MPPED2: variants seen among roughly 807,000 people sequenced by gnomAD.
The protein encoded by MPPED2 is metallophosphoesterase MPPED2.
In MPPED2, 5 loss-of-function variants were observed where a neutral mutation model predicts 33.0. That is an observed-to-expected ratio of 0.15 (90% confidence interval 0.08 to 0.32). MPPED2 has a LOEUF of 0.32. MPPED2 is among the 10% of genes least tolerant of loss of function. The pLI is 1.00. For missense variants in MPPED2, 275 were observed against 372.1 expected, an observed-to-expected ratio of 0.74 and a Z score of 2.15; for synonymous variants, 136 against 141.9, an observed-to-expected ratio of 0.96 and a Z score of 0.29.
intron 4 of MPPED2, among the ~76,000 whole-genome samples, chr11:30,486,193 A>G (rs1951734546): frequency 6.6e-6 from 1 of 152,208 alleles, no homozygotes; most frequent in African/African-American, 2.4e-5. Context: ...CATCACAGGA[A>G]GACAGAAGCA....
At chr11:30,508,361 T>TA (rs1192443415) in intron 3 of MPPED2, among the ~76,000 whole-genome samples, 2 of 152,212 alleles carry the variant, frequency 1.3e-5, no homozygotes, top group Non-Finnish European at 2.9e-5. Flanking sequence ...AATTGTTCAT[T>TA]AAAAAACATG....
chr11:30,562,651 C>A (rs1956283731), intron 2 of MPPED2, among the ~76,000 whole-genome samples: 1 of 152,020 alleles, frequency 6.6e-6, no homozygotes, highest in Non-Finnish European at 1.5e-5. Context: ...TCCTTAGGCA[C>A]CTACAGCTTA....
At chr11:30,479,503 A>G (rs151179510) in intron 4 of MPPED2, among the ~76,000 whole-genome samples, 105 of 152,186 alleles carry the variant, frequency 6.9e-4, no homozygotes, top group Non-Finnish European at 1.1e-3. Context: ...CAGCAACCAA[A>G]AGCTTGACAA....
chr11:30,389,566 G>A (rs1479053950), intron 6 of MPPED2, among the ~76,000 whole-genome samples: 3 of 152,168 alleles, frequency 2.0e-5, no homozygotes, highest in Non-Finnish European at 4.4e-5. Flanking sequence ...TCCTCAGGTA[G>A]GATTTAGGTT....
Position 30,580,506 on chromosome 11 carries a change from A to C in MPPED2, c.-121-12T>G, listed in dbSNP as rs1167407606. On this transcript the variant is annotated splice_polypyrimidine_tract_variant and intron_variant, in intron 1 of 6. Coordinates refer to ENST00000358117, the MANE Select transcript of MPPED2 (RefSeq NM_001584.3). ...ACCGCTGTGCATTTCTGAAAGAAAA[A>C]AAAAATGTATATAAAATGAGAACAA... 6.3e-6 allele frequency: 9 copies of C among 1,425,908 alleles called. No homozygotes were observed. The East Asian group carries it at 2.0e-4, about 31-fold the overall frequency. The allele number at this position is 1,425,908 out of a possible 1,614,324, so 88.3% of individuals were successfully genotyped here.
At chr11:30,476,420 G>A (rs1951199703) in intron 4 of MPPED2, among the ~76,000 whole-genome samples, 1 of 151,852 alleles carries the variant, frequency 6.6e-6, no homozygotes, top group Admixed American at 6.6e-5. Context: ...GATCTGTTTT[G>A]TAATTATTTT....
intron 3 of MPPED2, among the ~76,000 whole-genome samples, chr11:30,506,956 T>C (rs1196188311): frequency 6.6e-6 from 1 of 152,176 alleles, no homozygotes; most frequent in African/African-American, 2.4e-5. Flanking sequence ...TAAATGAAAA[T>C]GGTCTTCCAG....
chr11:30,524,067 A>G (rs753454184), intron 3 of MPPED2, among the ~76,000 whole-genome samples: 25 of 152,048 alleles, frequency 1.6e-4, no homozygotes, highest in Non-Finnish European at 2.8e-4. Flanking sequence ...TCTGGCCAAC[A>G]TGGTGAAACC....
intron 3 of MPPED2, among the ~76,000 whole-genome samples, chr11:30,513,019 A>T (rs1953315712): frequency 6.6e-6 from 1 of 151,928 alleles, no homozygotes. Flanking sequence ...CAAAAGAAAA[A>T]AAAAAAAGTA....
At chr11:30,486,101 A>G (rs1411218157) in intron 4 of MPPED2, among the ~76,000 whole-genome samples, 1 of 152,190 alleles carries the variant, frequency 6.6e-6, no homozygotes, top group Non-Finnish European at 1.5e-5. Flanking sequence ...CACCTTCATC[A>G]GAGATTAGGA....
chr11:30,457,118 G>GA (rs1018884349), intron 4 of MPPED2, among the ~76,000 whole-genome samples: 1 of 152,054 alleles, frequency 6.6e-6, no homozygotes, highest in Non-Finnish European at 1.5e-5. Context: ...TTGGTCTGGG[G>GA]AAAAAGCTTA....
intron 4 of MPPED2, among the ~76,000 whole-genome samples, chr11:30,455,571 C>G (rs1242438784): frequency 6.6e-6 from 1 of 152,140 alleles, no homozygotes. Flanking sequence ...AGTATATATC[C>G]TTATGTTACT....
intron 4 of MPPED2, 31 bp downstream of exon 4, chr11:30,495,265 A>T: frequency 6.7e-7 from 1 of 1,487,876 alleles, no homozygotes; most frequent in Non-Finnish European, 9.4e-7. Context: ...GCTAAAAAGC[A>T]ATGTGGAAAA....
chr11:30,488,813 T>G (rs924772138), intron 4 of MPPED2, among the ~76,000 whole-genome samples: 1 of 152,154 alleles, frequency 6.6e-6, no homozygotes, highest in Non-Finnish European at 1.5e-5. Context: ...AATGTTACCC[T>G]GGGCCTTTAA....
intron 4 of MPPED2, among the ~76,000 whole-genome samples, chr11:30,433,265 A>T (rs367648073): frequency 8.5e-5 from 13 of 152,254 alleles, no homozygotes; most frequent in African/African-American, 2.9e-4. Context: ...CATAGTAAAG[A>T]TTCTGAGATA....
chr11:30,543,792 CTT>C (rs35206591), intron 2 of MPPED2, among the ~76,000 whole-genome samples: 20,560 of 106,204 alleles, frequency 0.19, 2,001 homozygotes, highest in Non-Finnish European at 0.27. Context: ...TGGCGTTGTT[CTT>C]TTTTTTTTTT....
intron 4 of MPPED2, among the ~76,000 whole-genome samples, chr11:30,427,343 A>G (rs1948885297): frequency 6.6e-6 from 1 of 152,220 alleles, no homozygotes; most frequent in Non-Finnish European, 1.5e-5. Flanking sequence ...GTTGTCACAC[A>G]TTTATGTTGC....
intron 3 of MPPED2, among the ~76,000 whole-genome samples, chr11:30,526,223 C>A (rs1035719295): frequency 6.6e-6 from 1 of 152,080 alleles, no homozygotes; most frequent in African/African-American, 2.4e-5. Flanking sequence ...ACAGACAAAA[C>A]AAGCTGTGTT....
chr11:30,489,730 C>G (rs756628222), intron 4 of MPPED2, among the ~76,000 whole-genome samples: 9 of 152,168 alleles, frequency 5.9e-5, no homozygotes, highest in Non-Finnish European at 1.3e-4. Context: ...GATCAAATTC[C>G]TGGACATTGG....
Sources: allele counts gnomAD v4.1 joint callset (sites outside exome capture counted in the v4.1 genomes callset), GRCh38; gene constraint gnomAD v4.1.1; transcripts MANE v1.5; gene names NCBI Gene and HGNC (gene_info 2026-07-23, HGNC 2026-07-21).